PCDHGB5: variants seen among roughly 807,000 people sequenced by gnomAD.
PCDHGB5 encodes protocadherin gamma-B5.
PCDHGB5 carries 48 observed loss-of-function variants against 62.9 expected under a neutral mutation model. The ratio of observed to expected loss-of-function variants is 0.76; its 90% CI spans 0.61 to 0.97. The LOEUF (loss-of-function observed/expected upper bound fraction) is 0.97, where lower values mean the gene tolerates loss of function less well. Among genes scored for constraint, PCDHGB5 ranks in the 50% least tolerant of loss-of-function variants. The pLI is 0.00. For missense variants in PCDHGB5, 1,118 were observed against 1,198.6 expected (o/e 0.93, Z 0.99); for synonymous variants, 474 against 511.2 (o/e 0.93, Z 0.98).
chr5:141,431,227 C>G lies in PCDHGB5; in HGVS notation c.2397+30703C>G. ...CTGAGATGCGGTTCCCTCTACCCCA[C>G]GCCTGGGATCCGGATATCGGGAAGA... On this transcript the variant is annotated intron_variant, in intron 1 of 3. Coordinates refer to ENST00000617380, the MANE Select transcript of PCDHGB5 (RefSeq NM_018925.3). This position sits in a 1 kb window ranked among gnomAD's most constrained non-coding sequence, Gnocchi z 4.8. 6.2e-7 allele frequency: 1 copy of G among 1,614,180 alleles called. No individual in the cohort carries two copies. Among genetic ancestry groups the G allele is most frequent in the Non-Finnish European group, 8.5e-7 (1 of 1,180,042 alleles).
At chr5:141,473,272 A>G (rs2099318396) in intron 1 of PCDHGB5, among the ~76,000 whole-genome samples, 1 of 152,182 alleles carries the variant, frequency 6.6e-6, no homozygotes, top group African/African-American at 2.4e-5. Flanking sequence ...GTATGCTATG[A>G]TTATTTTACT....
chr5:141,398,148 G>T lies in PCDHGB5; in HGVS notation c.21G>T (p.Glu7Asp), dbSNP rs768560617. The T allele has an allele frequency of 9.4e-6, 14 of 1,497,140 alleles. 1 individual carries two copies. Among genetic ancestry groups the T allele is most frequent in the East Asian group, 9.3e-5 (4 of 42,788 alleles). 92.7% of individuals were successfully genotyped at this position (1,497,140 alleles called of 1,614,324 possible). Residue 7 changes from glutamate (E) to aspartate (D), a missense_variant, in exon 1 of 4, where the codon GAG becomes GAT. Physicochemically the swap from Glu to Asp is conservative, Grantham distance 45 (BLOSUM62 2). Coordinates refer to ENST00000617380, the MANE Select transcript of PCDHGB5 (RefSeq NM_018925.3). MGSGAG[E>D]LGRAERLPVL... ...GAGGGATGGGGAGCGGCGCCGGGGA[G>T]CTGGGCCGGGCTGAGAGGCTGCCAG...
chr5:141,491,564 G>A lies in PCDHGB5; in HGVS notation c.2398-3243G>A, dbSNP rs2099721154. On this transcript the variant is annotated intron_variant, in intron 1 of 3. Coordinates refer to ENST00000617380, the MANE Select transcript of PCDHGB5 (RefSeq NM_018925.3). The surrounding 1 kb of genome is among the most constrained non-coding windows in gnomAD (Gnocchi z 6.9). Reference sequence around the variant, plus strand: ...ACAGACTCGCAGAGCCACTGCTACAGGACGTGCTTTTCACCGGCCTCGGAC... The same window carrying A: ...ACAGACTCGCAGAGCCACTGCTACAAGACGTGCTTTTCACCGGCCTCGGAC... The A allele has an allele frequency of 3.1e-6, 5 of 1,613,878 alleles. No individual in the cohort carries two copies. Among genetic ancestry groups the A allele is most frequent in the Non-Finnish European group, 8.5e-7 (1 of 1,180,042 alleles).
intron 1 of PCDHGB5, chr5:141,419,497 G>T (rs1357823931): frequency 9.9e-6 from 16 of 1,612,390 alleles, no homozygotes; most frequent in Non-Finnish European, 1.4e-5. Context: ...GCGCCAATGT[G>T]AGCCTGCGCG....
Position 141,476,646 on chromosome 5 carries a change from A to G in PCDHGB5, c.2398-18161A>G, listed in dbSNP as rs771366262. 1.9e-6 allele frequency: 3 copies of G among 1,614,132 alleles called. No homozygotes were observed. The highest frequency in any genetic ancestry group is 1.7e-5 in the Admixed American group (1 of 60,010). ...TTACAAACCTATGAGCTGAGCCGAA[A>G]TGAATACTTTGCGCTTCGCGTGCAG... On this transcript the variant is annotated intron_variant, in intron 1 of 3. Transcript: ENST00000617380. This position sits in a 1 kb window ranked among gnomAD's most constrained non-coding sequence, Gnocchi z 7.6.
At chr5:141,435,665 A>C (rs1029846055) in intron 1 of PCDHGB5, among the ~76,000 whole-genome samples, 2 of 152,206 alleles carry the variant, frequency 1.3e-5, no homozygotes, top group African/African-American at 4.8e-5. Flanking sequence ...CACAGATTCC[A>C]AGTGTTTTCT....
rs2094361083 is a variant in PCDHGB5 at position 141,403,148 on chromosome 5, A to T, written c.2397+2624A>T. The T allele has an allele frequency of 2.5e-6, 4 of 1,614,050 alleles. No homozygotes were observed. The South Asian group carries it at 4.4e-5, about 18-fold the overall frequency. On this transcript the variant is annotated intron_variant, in intron 1 of 3. Coordinates refer to ENST00000617380, the MANE Select transcript of PCDHGB5 (RefSeq NM_018925.3). ...GGAGCTGGCGGAGCGCCGAGTCCGC[A>T]TCGTCTCTAGAGGTAGGACGCAGCT...
intron 3 of PCDHGB5, among the ~76,000 whole-genome samples, chr5:141,505,720 G>A (rs1251781594): frequency 2.2e-4 from 34 of 152,212 alleles, no homozygotes; most frequent in Non-Finnish European, 2.9e-5. Context: ...GACTCATGGA[G>A]GGAATAGTGG....
At position 141,502,665 on chromosome 5, in the gene PCDHGB5, A is replaced by G. The variant is rs192555506; in HGVS notation, c.2457-2728A>G. The stretch of plus-strand genomic sequence containing the variant: ...GAGATAGGCAGCAACCCTTCATGCA[A>G]TTTTAGTATTCCCTGATGATCCTTG... On this transcript the variant is annotated intron_variant, in intron 2 of 3. Transcript: ENST00000617380. 3.7e-3 allele frequency among the ~76,000 whole-genome samples: 568 copies of G among 152,330 alleles called. 1 individual carries two copies. Among genetic ancestry groups the G allele is most frequent in the African/African-American group, 0.013 (544 of 41,584 alleles).
chr5:141,508,910 A>T (rs2099872999), intron 3 of PCDHGB5, among the ~76,000 whole-genome samples: 1 of 151,906 alleles, frequency 6.6e-6, no homozygotes, highest in Non-Finnish European at 1.5e-5. Context: ...GCGGTGGCGG[A>T]TCTGGCTTCC....
At chr5:141,456,051 C>T (rs1592410743) in intron 1 of PCDHGB5, among the ~76,000 whole-genome samples, 1 of 151,998 alleles carries the variant, frequency 6.6e-6, no homozygotes, top group Non-Finnish European at 1.5e-5. Context: ...GCGCCCACCA[C>T]CACGTCCGGC....
At chr5:141,460,883 C>T (rs371847673) in intron 1 of PCDHGB5, among the ~76,000 whole-genome samples, 2 of 149,996 alleles carry the variant, frequency 1.3e-5, no homozygotes, top group East Asian at 2.0e-4. Context: ...TATTTCATGC[C>T]TTTTCGTGGC....
chr5:141,420,301 CT>C, intron 1 of PCDHGB5: 1 of 1,462,308 alleles, frequency 6.8e-7, no homozygotes, highest in Non-Finnish European at 9.2e-7. Flanking sequence ...GTATTTAATC[CT>C]TTTTATATTA....
rs563057370 is a variant in PCDHGB5 at position 141,491,297 on chromosome 5, A to G, written c.2398-3510A>G. 1.2e-6 allele frequency: 2 copies of G among 1,614,106 alleles called. No homozygotes were observed. Among genetic ancestry groups the G allele is most frequent in the African/African-American group, 2.7e-5 (2 of 75,038 alleles). On this transcript the variant is annotated intron_variant, in intron 1 of 3. Transcript: ENST00000617380. This position sits in a 1 kb window ranked among gnomAD's most constrained non-coding sequence, Gnocchi z 6.9. The stretch of plus-strand genomic sequence containing the variant: ...AGTGACTTCCTCATACACCCTCCTG[A>G]GCGTTCAGACCTTACCCTTTACCTC...
rs1394234849 is a variant in PCDHGB5 at position 141,415,739 on chromosome 5, GGTTT to G, written c.2397+15216_2397+15219del. The G allele has an allele frequency of 1.9e-3, 837 of 434,806 alleles. 9 individuals are homozygous for G. In the African/African-American group the frequency reaches 0.026, roughly 14 times the overall value. The allele number at this position is 434,806 out of a possible 1,614,324, so 26.9% of individuals were successfully genotyped here. A position where few individuals can be genotyped will look rare whatever the true frequency, so the allele number is the denominator to read the frequency against. On this transcript the variant is annotated intron_variant, in intron 1 of 3. Coordinates refer to ENST00000617380, the MANE Select transcript of PCDHGB5 (RefSeq NM_018925.3). ...ATGAGTAGAATTTGATGTTTATTAAGGTTTTTTTTTTTTTTTTTTTTTTTTTTTT... is the reference window on the plus strand; with the variant it reads ...ATGAGTAGAATTTGATGTTTATTAAGTTTTTTTTTTTTTTTTTTTTTTTTT...
Position 141,489,842 on chromosome 5 carries a change from A to T in PCDHGB5, c.2398-4965A>T. ...GAGCTGGTGCTAGAGCAGCAGCTGGATCGTGAAGCCCAGGCAAGACATCAG... is the reference window on the plus strand; with the variant it reads ...GAGCTGGTGCTAGAGCAGCAGCTGGTTCGTGAAGCCCAGGCAAGACATCAG... On this transcript the variant is annotated intron_variant, in intron 1 of 3. Coordinates refer to ENST00000617380, the MANE Select transcript of PCDHGB5 (RefSeq NM_018925.3). The surrounding 1 kb of genome is among the most constrained non-coding windows in gnomAD (Gnocchi z 4.5). 6.2e-7 allele frequency: 1 copy of T among 1,614,186 alleles called. No homozygotes were observed. Among genetic ancestry groups the T allele is most frequent in the South Asian group, 1.1e-5 (1 of 91,086 alleles).
chr5:141,483,573 G>A (rs2099583012), intron 1 of PCDHGB5, among the ~76,000 whole-genome samples: 1 of 152,072 alleles, frequency 6.6e-6, no homozygotes, highest in Non-Finnish European at 1.5e-5. Context: ...GTGAATTCTG[G>A]CATAAACACC....
At chr5:141,433,150 G>C (rs1466566074) in intron 1 of PCDHGB5, 5 of 1,613,936 alleles carry the variant, frequency 3.1e-6, no homozygotes, top group Middle Eastern at 1.6e-4. Flanking sequence ...CAGGTGATTC[G>C]GTATTTTCTA....
chr5:141,399,349 C>T lies in PCDHGB5; in HGVS notation c.1222C>T (p.Arg408Ter), dbSNP rs1467940246. The change falls in exon 1 of 4, where the codon CGA (arginine) becomes TGA (stop). Residue 408 changes from arginine to a stop codon, truncating the protein, a stop_gained. Transcript: ENST00000617380. LOFTEE classifies it high-confidence loss of function. ...GTTGGTAACAGATGGAACCCTAGAC[C>T]GAGAGCAAACCCCGGAGTACAATGT... is the stretch of plus-strand genomic sequence containing the variant. ...YKLVTDGTLD[R>*]EQTPEYNVTI... 6.2e-7 allele frequency: 1 copy of T among 1,613,932 alleles called. No homozygotes were observed. Among genetic ancestry groups the T allele is most frequent in the East Asian group, 2.2e-5 (1 of 44,882 alleles).
Sources: gnomAD v4.1 joint callset for allele counts (sites outside exome capture counted in the v4.1 genomes callset) on GRCh38, gnomAD v4.1.1 for gene constraint, Gnocchi (gnomAD v3.1) non-coding constraint, MANE v1.5 for transcripts, NCBI Gene and HGNC (gene_info 2026-07-23, HGNC 2026-07-21) for gene names.